Variants in NFIA observed in about 807,000 individuals in gnomAD.
The protein encoded by NFIA is nuclear factor I A.
In NFIA, 8 loss-of-function variants were observed where a neutral mutation model predicts 62.8. The ratio of observed to expected loss-of-function variants is 0.13; its 90% CI spans 0.07 to 0.23. The LOEUF is 0.23. NFIA is among the 10% of genes least tolerant of loss of function. The pLI is 1.00. For missense variants in NFIA, 410 were observed against 642.1 expected (o/e 0.64, Z 3.91); for synonymous variants, 235 against 238.1 (o/e 0.99, Z 0.12).
At chr1:61,395,442 G>A (rs568216332) in intron 7 of NFIA, among the ~76,000 whole-genome samples, 11 of 151,994 alleles carry the variant, frequency 7.2e-5, no homozygotes, top group Non-Finnish European at 1.0e-4. Flanking sequence ...ACAGGTCATT[G>A]GATGATTCCC....
intron 6 of NFIA, among the ~76,000 whole-genome samples, chr1:61,365,624 T>C (rs143949403): frequency 1.5e-3 from 222 of 152,286 alleles, no homozygotes; most frequent in Admixed American, 3.7e-3. Context: ...TCAAGCCAAG[T>C]TGTTGAATCC....
intron 2 of NFIA, among the ~76,000 whole-genome samples, chr1:61,196,940 T>TGCGC (rs1198725552): frequency 8.9e-6 from 1 of 112,204 alleles, no homozygotes; most frequent in Non-Finnish European, 1.9e-5. Flanking sequence ...TGTGTGTGTG[T>TGCGC]GCGCGCGCGC....
chr1:61,375,748 A>G (rs1243346926), intron 6 of NFIA, among the ~76,000 whole-genome samples: 1 of 152,110 alleles, frequency 6.6e-6, no homozygotes, highest in Non-Finnish European at 1.5e-5. Flanking sequence ...GTAGACAAGC[A>G]TGCTGGACTC....
Position 61,184,373 on chromosome 1 carries a change from T to TA in NFIA, c.560-93141dup, listed in dbSNP as rs532139690. On this transcript the variant is annotated intron_variant, in intron 2 of 10. Transcript: ENST00000403491. ...GCACGCACAGCCATTTCCTTGTTTC[T>TA]AAAAAACTTGCTACCTCCACAGAGT... 2.5e-3 allele frequency among the ~76,000 whole-genome samples: 385 copies of TA among 152,344 alleles called. 1 individual carries two copies. The highest frequency in any genetic ancestry group is 4.8e-3 in the Non-Finnish European group (326 of 68,028).
chr1:61,273,713 A>C (rs977914103), intron 2 of NFIA, among the ~76,000 whole-genome samples: 3 of 152,202 alleles, frequency 2.0e-5, no homozygotes, highest in Admixed American at 2.0e-4. Context: ...TGACATTCTC[A>C]GATGGTTTGA....
chr1:61,332,060 C>T (rs544221532), intron 3 of NFIA, among the ~76,000 whole-genome samples: 21 of 152,138 alleles, frequency 1.4e-4, no homozygotes, highest in Non-Finnish European at 2.6e-4. Flanking sequence ...GAAAAGAACA[C>T]CTTTAAATCT....
At position 61,370,221 on chromosome 1, in the gene NFIA, C is replaced by T. The variant is rs570391446; in HGVS notation, c.946+10947C>T. Among the ~76,000 whole-genome samples, 175 of 152,318 alleles carry T rather than the reference C, an allele frequency of 1.1e-3. 4 individuals are homozygous for T. The highest frequency in any genetic ancestry group is 4.6e-4 in the Admixed American group (7 of 15,288). ...GCCTATTTATCCAGCTCTGTCCATC[C>T]AAGGATTTTAGATACATCATAAACT... On this transcript the variant is annotated intron_variant, in intron 6 of 10. Coordinates refer to ENST00000403491, the MANE Select transcript of NFIA (RefSeq NM_001134673.4).
rs369581117 is a variant in NFIA, at chr1:61,209,131, T to A, written c.560-68389T>A. 1.6e-4 allele frequency among the ~76,000 whole-genome samples: 25 copies of A among 152,222 alleles called. No homozygotes were observed. In the East Asian group the frequency reaches 2.1e-3, roughly 13 times the overall value. On this transcript the variant is annotated intron_variant, in intron 2 of 10. Transcript: ENST00000403491. ...AAACACAAGAGTTTTGTTTTTTTTT[T>A]CCCCTGTCAGATATTGGTCTTTTGT...
In NFIA at chr1:61,150,320, C is replaced by T. The variant is rs146842976; in HGVS notation, c.559+61640C>T. Among the ~76,000 whole-genome samples, 121 of 152,256 alleles carry T rather than the reference C, an allele frequency of 7.9e-4. 1 individual carries two copies. The highest frequency in any genetic ancestry group is 2.6e-3 in the African/African-American group (108 of 41,558). ...AGTTTGTTTTCTTCCCAGGCAAGTG[C>T]CTCCTCCTGATGGGGAGTTAGTATG... On this transcript the variant is annotated intron_variant, in intron 2 of 10. Coordinates refer to ENST00000403491, the MANE Select transcript of NFIA (RefSeq NM_001134673.4).
intron 2 of NFIA, among the ~76,000 whole-genome samples, chr1:61,272,089 T>C (rs1034722643): frequency 2.6e-5 from 4 of 152,256 alleles, no homozygotes; most frequent in Admixed American, 6.5e-5. Context: ...CTGTAAATGC[T>C]AATCATAATT....
chr1:61,329,182 G>GAAT (rs1164156278), intron 3 of NFIA, among the ~76,000 whole-genome samples: 4 of 150,920 alleles, frequency 2.7e-5, no homozygotes, highest in Non-Finnish European at 2.9e-5. Context: ...TGAGTAGCTG[G>GAAT]GATTACAAGC....
intron 9 of NFIA, among the ~76,000 whole-genome samples, chr1:61,422,992 G>T (rs899039223): frequency 6.6e-6 from 1 of 152,108 alleles, no homozygotes; most frequent in Non-Finnish European, 1.5e-5. Context: ...CTACCATAAG[G>T]GGGTAACACA....
intron 2 of NFIA, among the ~76,000 whole-genome samples, chr1:61,209,392 C>A (rs1185170470): frequency 6.6e-6 from 1 of 152,028 alleles, no homozygotes; most frequent in African/African-American, 2.4e-5. Flanking sequence ...ATTTTGTGTT[C>A]TTTTAAAATT....
intron 9 of NFIA, 107 bp downstream of exon 9, chr1:61,406,834 T>C: frequency 3.2e-6 from 4 of 1,251,966 alleles, no homozygotes; most frequent in Non-Finnish European, 4.3e-6. Flanking sequence ...GAGGCACAGA[T>C]CCCCAGTGAT....
At chr1:61,409,823 G>T (rs543186461) in intron 9 of NFIA, among the ~76,000 whole-genome samples, 1 of 152,302 alleles carries the variant, frequency 6.6e-6, no homozygotes, top group African/African-American at 2.4e-5. Context: ...GAGACAGGGT[G>T]GGGTGGTAGG....
chr1:61,410,469 G>C (rs923017674), intron 9 of NFIA, among the ~76,000 whole-genome samples: 1 of 152,182 alleles, frequency 6.6e-6, no homozygotes, highest in African/African-American at 2.4e-5. Flanking sequence ...TCATGACAGG[G>C]TATTCAGTAC....
At chr1:61,095,149 G>A (rs568686379) in intron 2 of NFIA, among the ~76,000 whole-genome samples, 3 of 152,276 alleles carry the variant, frequency 2.0e-5, no homozygotes, top group East Asian at 3.9e-4. Flanking sequence ...TTCTTTTCAT[G>A]TCTTTCAAAT....
intron 9 of NFIA, among the ~76,000 whole-genome samples, chr1:61,411,807 C>T (rs540316714): frequency 6.9e-4 from 104 of 151,330 alleles, no homozygotes; most frequent in African/African-American, 2.5e-3. Flanking sequence ...TGGACAAAGA[C>T]GAGAGGGTGA....
At chr1:61,146,908 G>C (rs1352557938) in intron 2 of NFIA, among the ~76,000 whole-genome samples, 3 of 152,100 alleles carry the variant, frequency 2.0e-5, no homozygotes, top group Non-Finnish European at 4.4e-5. Flanking sequence ...CTGAAAGTAG[G>C]GTGTGATGAG....
Sources: allele counts gnomAD v4.1 joint callset (sites outside exome capture counted in the v4.1 genomes callset), GRCh38; gene constraint gnomAD v4.1.1; transcripts MANE v1.5; gene names NCBI Gene and HGNC (gene_info 2026-07-23, HGNC 2026-07-21).